The following RAP1GAP2 variants were observed in gnomAD, a reference collection of about 807,000 sequenced individuals.
RAP1GAP2 encodes the protein rap1 GTPase-activating protein 2.
In RAP1GAP2, 27 loss-of-function variants were observed where a neutral mutation model predicts 95.0. That is an observed-to-expected ratio of 0.28 (90% CI 0.21 to 0.39). The LOEUF (loss-of-function observed/expected upper bound fraction) is 0.39. Ranked by LOEUF, RAP1GAP2 falls within the 10% of genes least tolerant of loss-of-function variation. The pLI is 1.00. For synonymous variants in RAP1GAP2, 373 were observed against 380.9 expected, an observed-to-expected ratio of 0.98 and a Z score of 0.24; for missense variants, 771 against 970.0, an observed-to-expected ratio of 0.79 and a Z score of 2.72.
intron 3 of RAP1GAP2, among the ~76,000 whole-genome samples, chr17:2,955,295 A>G (rs2044068699): frequency 6.6e-6 from 1 of 152,150 alleles, no homozygotes; most frequent in Non-Finnish European, 1.5e-5. Context: ...CACGCCTGTG[A>G]TAGTCTGTGT....
chr17:2,916,378 C>CGTA (rs2042568949), intron 3 of RAP1GAP2, among the ~76,000 whole-genome samples: 1 of 152,132 alleles, frequency 6.6e-6, no homozygotes, highest in Admixed American at 6.5e-5. Flanking sequence ...AACAAAGCAC[C>CGTA]GTAGGCAGCC....
At chr17:2,773,797 G>T (rs1013753165), upstream of RAP1GAP2, among the ~76,000 whole-genome samples, 2 of 150,862 alleles carry the variant, frequency 1.3e-5, no homozygotes, top group South Asian at 2.1e-4. Context: ...CACTCTTGTC[G>T]CCCAGGCTGG....
At chr17:2,898,249 G>A (rs930348183) in intron 2 of RAP1GAP2, among the ~76,000 whole-genome samples, 2 of 152,166 alleles carry the variant, frequency 1.3e-5, no homozygotes, top group Non-Finnish European at 2.9e-5. Context: ...TCTAGAGTTG[G>A]TGCCCCAAAT....
intron 14 of RAP1GAP2, among the ~76,000 whole-genome samples, chr17:2,998,714 T>C (rs1161927335): frequency 6.6e-6 from 1 of 151,290 alleles, no homozygotes; most frequent in African/African-American, 2.4e-5. Flanking sequence ...AATTTGGTAA[T>C]GCCATTTGCT....
At chr17:2,920,162 G>T (rs61662031) in intron 3 of RAP1GAP2, among the ~76,000 whole-genome samples, 1 of 152,076 alleles carries the variant, frequency 6.6e-6, no homozygotes, top group Non-Finnish European at 1.5e-5. Flanking sequence ...GCACCACCAC[G>T]CCCTGCTAGG....
At chr17:2,966,352 A>C (rs1460966713) in intron 8 of RAP1GAP2, among the ~76,000 whole-genome samples, 2 of 152,224 alleles carry the variant, frequency 1.3e-5, no homozygotes, top group African/African-American at 4.8e-5. Flanking sequence ...AGCAATATGC[A>C]CAGGTTGCTA....
Position 2,904,723 on chromosome 17 carries a change from G to C in RAP1GAP2, c.81-561G>C, listed in dbSNP as rs991719009. 3.3e-5 allele frequency among the ~76,000 whole-genome samples: 5 copies of C among 152,086 alleles called. No individual in the cohort carries two copies. The highest frequency in any genetic ancestry group is 2.6e-4 in the Admixed American group (4 of 15,278). On this transcript the variant is annotated intron_variant, in intron 2 of 24. Coordinates refer to ENST00000254695, the MANE Select transcript of RAP1GAP2 (RefSeq NM_015085.5). This position sits in a 1 kb window ranked among gnomAD's most constrained non-coding sequence, Gnocchi z 4.7. ...AGCTCGTTGGAGCGCAGGTTCCTGG[G>C]CTCATCACTGGAGAGCCTGGTGTGC...
upstream of RAP1GAP2, among the ~76,000 whole-genome samples, chr17:2,795,153 C>G (rs1430325871): frequency 2.0e-5 from 3 of 151,472 alleles, no homozygotes; most frequent in Non-Finnish European, 4.4e-5. Flanking sequence ...GCTGGGATTA[C>G]AGGTGTGAGC....
At chr17:2,941,463 T>C (rs116243800) in intron 3 of RAP1GAP2, among the ~76,000 whole-genome samples, 5,002 of 151,654 alleles carry the variant, frequency 0.033, 284 homozygotes, top group African/African-American at 0.11. Context: ...AAAAAGACCA[T>C]GTGGCTGTTC....
intron 8 of RAP1GAP2, among the ~76,000 whole-genome samples, chr17:2,974,063 C>T (rs8074612): frequency 0.18 from 27,577 of 151,688 alleles, 2,608 homozygotes; most frequent in Middle Eastern, 0.21. Flanking sequence ...AAGAAGGGGC[C>T]GGGCGTGGTG....
chr17:3,028,319 C>A (rs1301745892), intron 22 of RAP1GAP2, among the ~76,000 whole-genome samples: 1 of 151,888 alleles, frequency 6.6e-6, no homozygotes, highest in Non-Finnish European at 1.5e-5. Flanking sequence ...GGATGTCTGG[C>A]AATGTCTGGC....
intron 8 of RAP1GAP2, among the ~76,000 whole-genome samples, chr17:2,968,686 C>T (rs28597721): frequency 8.5e-5 from 13 of 152,066 alleles, no homozygotes; most frequent in South Asian, 4.2e-4. Flanking sequence ...TAGAAGTGTG[C>T]GTACATATGT....
chr17:2,862,113 A>G (rs2072421701), intron 2 of RAP1GAP2, among the ~76,000 whole-genome samples: 1 of 152,106 alleles, frequency 6.6e-6, no homozygotes, highest in Non-Finnish European at 1.5e-5. Flanking sequence ...TTGCCTCTGC[A>G]TAGCTTTGGG....
intron 9 of RAP1GAP2, among the ~76,000 whole-genome samples, chr17:2,980,794 G>A (rs945338611): frequency 6.6e-6 from 1 of 152,182 alleles, no homozygotes. Context: ...ACCCCCTTGA[G>A]TAAGGAGGCT....
intron 1 of RAP1GAP2, among the ~76,000 whole-genome samples, chr17:2,779,465 G>T (rs11655630): frequency 0.37 from 56,730 of 151,946 alleles, 10,950 homozygotes; most frequent in African/African-American, 0.45. Context: ...GGGCTCAGGG[G>T]CCAGACTGCT....
intron 8 of RAP1GAP2, among the ~76,000 whole-genome samples, chr17:2,970,891 T>C (rs1225495084): frequency 6.6e-6 from 1 of 151,708 alleles, no homozygotes; most frequent in Non-Finnish European, 1.5e-5. Flanking sequence ...AAAAATTAGC[T>C]GGGTGAAGTG....
chr17:2,919,344 C>T (rs905325456), intron 3 of RAP1GAP2, among the ~76,000 whole-genome samples: 2 of 152,162 alleles, frequency 1.3e-5, no homozygotes, highest in African/African-American at 2.4e-5. Flanking sequence ...CCTGCAGGGT[C>T]GCCATCCTCA....
intron 2 of RAP1GAP2, among the ~76,000 whole-genome samples, chr17:2,771,039 T>A (rs762805883): frequency 2.6e-5 from 4 of 151,722 alleles, no homozygotes; most frequent in Non-Finnish European, 5.9e-5. Context: ...AGAGGGAGAC[T>A]CTGTTTCAAA....
At chr17:2,826,422 C>G (rs925231945) in intron 2 of RAP1GAP2, among the ~76,000 whole-genome samples, 1 of 151,962 alleles carries the variant, frequency 6.6e-6, no homozygotes, top group Admixed American at 6.6e-5. Flanking sequence ...TGGCAGGAAA[C>G]AGCCAGAGGC....
Sources: allele counts gnomAD v4.1 joint callset (sites outside exome capture counted in the v4.1 genomes callset), GRCh38; gene constraint gnomAD v4.1.1; non-coding constraint Gnocchi (gnomAD v3.1); transcripts MANE v1.5; gene names NCBI Gene and HGNC (gene_info 2026-07-23, HGNC 2026-07-21).